The following ZNF853 variants were observed in gnomAD, a reference collection of about 807,000 sequenced individuals.
The protein encoded by ZNF853 is zinc finger protein 853.
Under a neutral mutation model 94.7 loss-of-function variants are expected in ZNF853, and 57 were observed. The ratio of observed to expected loss-of-function variants is 0.60; its 90% CI spans 0.49 to 0.75. The LOEUF (loss-of-function observed/expected upper bound fraction) is 0.75. Ranked by LOEUF, ZNF853 falls within the 30% of genes least tolerant of loss-of-function variation. The pLI, the probability that ZNF853 is intolerant of heterozygous loss-of-function variation, is 0.00. For missense variants in ZNF853, 785 were observed against 868.9 expected, an observed-to-expected ratio of 0.90 and a Z score of 1.21; for synonymous variants, 448 against 406.3, an observed-to-expected ratio of 1.10 and a Z score of -1.23.
chr7:6,622,974 G>C lies in ZNF853; in HGVS notation c.*3G>C, dbSNP rs1265280293. On this transcript the variant is annotated 3_prime_UTR_variant, in exon 3 of 3. Coordinates refer to ENST00000457543, the MANE Select transcript of ZNF853 (RefSeq NM_017560.3). Reference sequence around the variant, plus strand: ...CGCCCGCAGACAAGGCGCTGTGAGGGCCGTGATCGGGGCTGCCTGGCCGGG... The same window carrying C: ...CGCCCGCAGACAAGGCGCTGTGAGGCCCGTGATCGGGGCTGCCTGGCCGGG... The C allele has an allele frequency of 3.2e-6, 4 of 1,247,736 alleles. No individual in the cohort carries two copies. Among genetic ancestry groups the C allele is most frequent in the South Asian group, 6.9e-5 (2 of 28,866 alleles). 77.3% of individuals were successfully genotyped at this position (1,247,736 alleles called of 1,614,324 possible).
chr7:6,616,003 A>C lies in ZNF853; in HGVS notation c.-172A>C. 1.8e-6 allele frequency: 1 copy of C among 563,562 alleles called. No homozygotes were observed. Among genetic ancestry groups the C allele is most frequent in the East Asian group, 3.2e-5 (1 of 31,678 alleles). 34.9% of individuals were successfully genotyped at this position (563,562 alleles called of 1,614,324 possible). On this transcript the variant is annotated 5_prime_UTR_variant, in exon 1 of 3. Transcript: ENST00000457543. ...TGGCCCAGGGCGACCTCGGCAGCCC[A>C]GAGGGCGTGGACCCTCCGGAGTGCC...
rs1474266772 is a variant in ZNF853, at chr7:6,615,868, G to T, written c.-307G>T. On this transcript the variant is annotated 5_prime_UTR_variant, in exon 1 of 3. Transcript: ENST00000457543. This position sits in a 1 kb window ranked among gnomAD's most constrained non-coding sequence, Gnocchi z 8.5. ...ATCCCGCTGCCCGCGATGGTCCCGG[G>T]GGGCCGGCCCTGAGCCCCGCGCGGG... The T allele has an allele frequency of 4.0e-6, 1 of 248,382 alleles. No homozygotes were observed. Among genetic ancestry groups the T allele is most frequent in the Non-Finnish European group, 7.7e-6 (1 of 129,962 alleles). 15.4% of individuals were successfully genotyped at this position (248,382 alleles called of 1,614,324 possible).
intron 2 of ZNF853, among the ~76,000 whole-genome samples, chr7:6,620,603 T>C: frequency 1.5e-5 from 2 of 132,554 alleles, no homozygotes; most frequent in East Asian, 5.0e-4. Context: ...CCTTCTTCCT[T>C]TCTTTCTCTC....
Position 6,617,017 on chromosome 7 carries a change from C to T in ZNF853, c.13-173C>T. Among the ~76,000 whole-genome samples the T allele has an allele frequency of 2.0e-5, 3 of 152,276 alleles. No individual in the cohort carries two copies. The East Asian group carries it at 5.8e-4, about 29-fold the overall frequency. On this transcript the variant is annotated intron_variant, in intron 1 of 2. Coordinates refer to ENST00000457543, the MANE Select transcript of ZNF853 (RefSeq NM_017560.3). ...TCCCCAGTCCTGAGCCTCCAGGCCG[C>T]CGGCACTCCCCGTTCCCCGTTGCGG...
intron 1 of ZNF853, among the ~76,000 whole-genome samples, chr7:6,616,635 G>A: frequency 2.0e-5 from 3 of 151,874 alleles, no homozygotes; most frequent in African/African-American, 4.8e-5. Context: ...CTCAGGAGGC[G>A]GAGGCAGGAG....
chr7:6,619,642 T>C, intron 2 of ZNF853, among the ~76,000 whole-genome samples: 1 of 152,120 alleles, frequency 6.6e-6, no homozygotes. Context: ...AATCAAAGCA[T>C]TGTCTTCCAT....
chr7:6,618,552 T>A, intron 2 of ZNF853, among the ~76,000 whole-genome samples: 1 of 151,912 alleles, frequency 6.6e-6, no homozygotes, highest in Non-Finnish European at 1.5e-5. Flanking sequence ...CTACAAAAAG[T>A]TTAAAAAATT....
chr7:6,622,089 G>GCAGCTGGAGCAA lies in ZNF853; in HGVS notation c.1110_1121dup (p.Leu372_Gln375dup). 1 of 1,546,602 alleles carries GCAGCTGGAGCAA rather than the reference G, an allele frequency of 6.5e-7. No individual in the cohort carries two copies. Among genetic ancestry groups the GCAGCTGGAGCAA allele is most frequent in the East Asian group, 2.4e-5 (1 of 40,910 alleles). ...AGCTCAAACTGCAGGAGGAGCTGCA[G>GCAGCTGGAGCAA]CAGCTGGAGCAACAGCTGGAGCAGC... On this transcript the variant is annotated inframe_insertion, in exon 3 of 3. Coordinates refer to ENST00000457543, the MANE Select transcript of ZNF853 (RefSeq NM_017560.3).
Position 6,622,199 on chromosome 7 carries a change from A to G in ZNF853, c.1208A>G (p.Glu403Gly), listed in dbSNP as rs957135342. The G allele has an allele frequency of 3.9e-6, 6 of 1,538,660 alleles. No homozygotes were observed. Among genetic ancestry groups the G allele is most frequent in the African/African-American group, 1.4e-5 (1 of 72,966 alleles). Reference protein sequence around the residue: ...LGAQQQEVQLELTPVQPELQL... With the variant: ...LGAQQQEVQLGLTPVQPELQL... ...GCCCAGCAGCAGGAGGTGCAGCTGG[A>G]GCTGACCCCCGTGCAGCCGGAGCTG... The change falls in exon 3 of 3, where the codon GAG becomes GGG. Residue 403 changes from glutamate (E) to glycine (G), a missense_variant. Glu to Gly is a moderately conservative substitution (Grantham distance 98, BLOSUM62 -2). Coordinates refer to ENST00000457543, the MANE Select transcript of ZNF853 (RefSeq NM_017560.3).
chr7:6,616,391 C>T, intron 1 of ZNF853, among the ~76,000 whole-genome samples: 1 of 152,174 alleles, frequency 6.6e-6, no homozygotes. Flanking sequence ...GCTGGGGTGG[C>T]AGCTGACACA....
At chr7:6,617,673 G>A in intron 2 of ZNF853, 179 of 984,758 alleles carry the variant, frequency 1.8e-4, no homozygotes, top group Middle Eastern at 1.0e-3. Context: ...GTACTAATAG[G>A]CTCTCTTCCT....
intron 2 of ZNF853, 178 bp downstream of exon 2, chr7:6,617,485 C>A: frequency 1.4e-6 from 1 of 705,752 alleles, no homozygotes; most frequent in Non-Finnish European, 1.7e-6. Flanking sequence ...CAGGCTGAGG[C>A]CAGGCTGGTG....
rs1480064001 is a variant in ZNF853 at position 6,621,225 on chromosome 7, C to T, written c.234C>T (p.Ile78=). 8 of 1,543,186 alleles carry T rather than the reference C, an allele frequency of 5.2e-6. No homozygotes were observed. In the East Asian group the frequency reaches 1.7e-4, roughly 33 times the overall value. The change falls in exon 3 of 3, where the codon ATC becomes ATT. Residue 78 remains isoleucine, a synonymous_variant. Coordinates refer to ENST00000457543, the MANE Select transcript of ZNF853 (RefSeq NM_017560.3). ...CGGCCCCAGTGGGGGCCAGTGAAAT[C>T]GCTGAGGAAACCCGGCCGGGACAAC... ...AVSAPVGASE[I]AEETRPGQRE...
intron 2 of ZNF853, among the ~76,000 whole-genome samples, chr7:6,620,158 TG>T: frequency 2.0e-5 from 3 of 152,216 alleles, no homozygotes; most frequent in African/African-American, 7.2e-5. Flanking sequence ...ACCTGCCGAC[TG>T]GTAGAGTTAG....
intron 2 of ZNF853, among the ~76,000 whole-genome samples, chr7:6,619,713 C>T: frequency 5.9e-5 from 9 of 152,286 alleles, no homozygotes; most frequent in South Asian, 2.1e-4. Context: ...GAGTTGGGAA[C>T]GGAGAAAGCC....
intron 2 of ZNF853, among the ~76,000 whole-genome samples, chr7:6,619,545 T>C: frequency 2.6e-5 from 4 of 152,128 alleles, no homozygotes; most frequent in Admixed American, 6.6e-5. Context: ...GCTGGGATTA[T>C]AGGCGTGAGC....
chr7:6,622,433 G>T lies in ZNF853; in HGVS notation c.1442G>T (p.Arg481Leu). 2.1e-6 allele frequency: 3 copies of T among 1,451,538 alleles called. No individual in the cohort carries two copies. Among genetic ancestry groups the T allele is most frequent in the Non-Finnish European group, 1.8e-6 (2 of 1,111,150 alleles). 89.9% of individuals were successfully genotyped at this position (1,451,538 alleles called of 1,614,324 possible). A position where few individuals can be genotyped will look rare whatever the true frequency, so the allele number is the denominator to read the frequency against. The change falls in exon 3 of 3, where the codon CGG (arginine) becomes CTG (leucine). Residue 481 changes from arginine (R) to leucine (L), a missense_variant. Arg to Leu is a moderately radical substitution (Grantham distance 102). Coordinates refer to ENST00000457543, the MANE Select transcript of ZNF853 (RefSeq NM_017560.3). ...PARQRRRRRA[R>L]DRPTICGECG... ...CGGCAGCGGCGGCGGCGGCGCGCTC[G>T]GGACCGGCCGACCATCTGCGGGGAG...
At chr7:6,616,285 G>A in intron 1 of ZNF853, 99 bp downstream of exon 1, 14 of 1,256,694 alleles carry the variant, frequency 1.1e-5, no homozygotes, top group Non-Finnish European at 1.4e-5. Context: ...GGGGAGAGGG[G>A]CCAGCTCTGC....
chr7:6,622,501 C>A lies in ZNF853; in HGVS notation c.1510C>A (p.Gln504Lys). ...FSRSTDLVRHQATHTGERPHR... is the reference protein window; with the variant it reads ...FSRSTDLVRHKATHTGERPHR... ...CCGCAGCACGGACCTGGTGCGCCAC[C>A]AGGCCACGCACACGGGTGAGCGGCC... Residue 504 changes from glutamine (Q) to lysine (K), a missense_variant, in exon 3 of 3, where the codon CAG becomes AAG. Gln to Lys is a moderately conservative substitution (Grantham distance 53). Coordinates refer to ENST00000457543, the MANE Select transcript of ZNF853 (RefSeq NM_017560.3). 2 of 1,544,460 alleles carry A rather than the reference C, an allele frequency of 1.3e-6. No homozygotes were observed. The highest frequency in any genetic ancestry group is 1.7e-6 in the Non-Finnish European group (2 of 1,145,078).
Sources: allele counts gnomAD v4.1 joint callset (sites outside exome capture counted in the v4.1 genomes callset), GRCh38; gene constraint gnomAD v4.1.1; non-coding constraint Gnocchi (gnomAD v3.1); transcripts MANE v1.5; gene names NCBI Gene and HGNC (gene_info 2026-07-23, HGNC 2026-07-21).